Variants in SLC29A1 observed in about 807,000 individuals in gnomAD.
SLC29A1 encodes equilibrative nucleoside transporter 1.
Under a neutral mutation model 48.3 loss-of-function variants are expected in SLC29A1, and 22 were observed. The ratio of observed to expected loss-of-function variants is 0.46; its 90% confidence interval spans 0.33 to 0.65. SLC29A1 has a LOEUF of 0.65. Among genes scored for constraint, SLC29A1 ranks in the 30% least tolerant of loss-of-function variants. The pLI, the probability that SLC29A1 is intolerant of heterozygous loss-of-function variation, is 0.03. For missense variants in SLC29A1, 491 were observed against 575.3 expected (o/e 0.85, Z 1.50); for synonymous variants, 228 against 231.0 (o/e 0.99, Z 0.12).
At position 44,229,555 on chromosome 6, in the gene SLC29A1, G is replaced by C. The variant is rs139208937; in HGVS notation, c.112-34G>C. ...CTCTGTGCTGGTAGGCACAGGGAAA[G>C]AGATTTCAACACTCCTCTCTGCAAC... On this transcript the variant is annotated intron_variant, in intron 3 of 12. Coordinates refer to ENST00000371755, the MANE Select transcript of SLC29A1 (RefSeq NM_001372327.1). This position sits in a 1 kb window ranked among gnomAD's most constrained non-coding sequence, Gnocchi z 5.1. 2.0e-4 allele frequency: 318 copies of C among 1,612,894 alleles called. 1 individual carries two copies. In the African/African-American group the frequency reaches 3.7e-3, roughly 19 times the overall value.
At chr6:44,224,003 T>G (rs1298431508) in intron 1 of SLC29A1, 32 of 950,728 alleles carry the variant, frequency 3.4e-5, no homozygotes, top group South Asian at 1.9e-4. Context: ...GGCGGAGGGG[T>G]ATGGGGATGG....
At chr6:44,220,666 A>AG (rs1338889737), upstream of SLC29A1, among the ~76,000 whole-genome samples, 1 of 150,724 alleles carries the variant, frequency 6.6e-6, no homozygotes, top group African/African-American at 2.4e-5. Context: ...AAAAAAAAAA[A>AG]ATACAAAAAT....
chr6:44,226,129 C>T, intron 1 of SLC29A1: 3 of 985,360 alleles, frequency 3.0e-6, no homozygotes, highest in Non-Finnish European at 3.6e-6. Flanking sequence ...CCCAGGCTTG[C>T]TCTGCTCTGA....
upstream of SLC29A1, chr6:44,223,573 C>G (rs936989341): frequency 2.6e-5 from 32 of 1,209,750 alleles, no homozygotes; most frequent in Admixed American, 9.2e-4. The surrounding 1 kb of genome is among the most constrained non-coding windows in gnomAD (Gnocchi z 5.0). Flanking sequence ...TTGAATGTGC[C>G]CCGGCGGGAG....
At position 44,230,643 on chromosome 6, in the gene SLC29A1, G is replaced by C. The variant is rs760876039; in HGVS notation, c.665G>C (p.Cys222Ser). 6.4e-7 allele frequency: 1 copy of C among 1,559,140 alleles called. No individual in the cohort carries two copies. The highest frequency in any genetic ancestry group is 8.7e-7 in the Non-Finnish European group (1 of 1,150,344). Residue 222 changes from cysteine (C) to serine (S), a missense_variant, in exon 7 of 13, where the codon TGT becomes TCT. Physicochemically the swap from Cys to Ser is moderately radical, Grantham distance 112 (BLOSUM62 -1). Transcript: ENST00000371755. ...GCTGTTATCATTTTGACCATCATCT[G>C]TTACCTGGGCCTGCCCCGCCTGGTG... Reference protein sequence around the residue: ...ACAVIILTIICYLGLPRLEFY... With the variant: ...ACAVIILTIISYLGLPRLEFY...
chr6:44,228,876 G>A (rs1778187927), intron 2 of SLC29A1, among the ~76,000 whole-genome samples: 1 of 152,224 alleles, frequency 6.6e-6, no homozygotes, highest in South Asian at 2.1e-4. Context: ...CGGCCCTGAG[G>A]CACCCTGCCC....
At chr6:44,220,777 A>G (rs1439926145), upstream of SLC29A1, among the ~76,000 whole-genome samples, 1 of 151,788 alleles carries the variant, frequency 6.6e-6, no homozygotes, top group East Asian at 1.9e-4. Context: ...GTGAGCCAAG[A>G]TCACGCCACT....
chr6:44,220,937 T>C (rs183295012), upstream of SLC29A1, among the ~76,000 whole-genome samples: 113 of 152,346 alleles, frequency 7.4e-4, 1 homozygote, highest in South Asian at 9.1e-3. Flanking sequence ...TGGAGTGCAA[T>C]GGCAGGATGA....
Position 44,232,258 on chromosome 6 carries a change from TG to T in SLC29A1, c.974-81del. ...GGAAGCATCTTCTCCATTTTACTGT[TG>T]GGGAAGCTGAGGCCCAGTGAAGGTT... On this transcript the variant is annotated intron_variant, in intron 10 of 12. Transcript: ENST00000371755. The surrounding 1 kb of genome is among the most constrained non-coding windows in gnomAD (Gnocchi z 4.7). The T allele has an allele frequency of 8.5e-7, 1 of 1,179,014 alleles. No individual in the cohort carries two copies. Among genetic ancestry groups the T allele is most frequent in the Non-Finnish European group, 1.3e-6 (1 of 783,958 alleles). 73.0% of individuals were successfully genotyped at this position (1,179,014 alleles called of 1,614,324 possible). A position where few individuals can be genotyped will look rare whatever the true frequency, so the allele number is the denominator to read the frequency against.
Position 44,223,930 on chromosome 6 carries a change from G to T in SLC29A1, c.-52+289G>T, listed in dbSNP as rs1362072049. 1.0e-6 allele frequency: 1 copy of T among 990,768 alleles called. No individual in the cohort carries two copies. Among genetic ancestry groups the T allele is most frequent in the Non-Finnish European group, 1.2e-6 (1 of 833,636 alleles). The allele number at this position is 990,768 out of a possible 1,614,324, so 61.4% of individuals were successfully genotyped here. On this transcript the variant is annotated intron_variant, in intron 1 of 12. Coordinates refer to ENST00000371755, the MANE Select transcript of SLC29A1 (RefSeq NM_001372327.1). This position sits in a 1 kb window ranked among gnomAD's most constrained non-coding sequence, Gnocchi z 5.0. ...GTTGACCTCCGCAAGGGGCAGGCGA[G>T]TGGACGGGTGATCCCCATCGATCTG...
upstream of SLC29A1, chr6:44,221,450 G>A (rs1776407927): frequency 2.7e-6 from 1 of 371,928 alleles, no homozygotes; most frequent in South Asian, 2.0e-5. This position sits in a 1 kb window ranked among gnomAD's most constrained non-coding sequence, Gnocchi z 4.2. Flanking sequence ...CTGTGTGTGA[G>A]GTGGTGAGGC....
At chr6:44,223,125 G>A (rs1776656628), upstream of SLC29A1, among the ~76,000 whole-genome samples, 1 of 152,152 alleles carries the variant, frequency 6.6e-6, no homozygotes, top group African/African-American at 2.4e-5. The surrounding 1 kb of genome is among the most constrained non-coding windows in gnomAD (Gnocchi z 5.0). Flanking sequence ...AGGGGGCGCT[G>A]AAAGGGAGGG....
chr6:44,224,419 C>T (rs1169179790), intron 1 of SLC29A1, among the ~76,000 whole-genome samples: 1 of 151,998 alleles, frequency 6.6e-6, no homozygotes, highest in Non-Finnish European at 1.5e-5. Flanking sequence ...TGGGAATGAT[C>T]TTGGTCTCCA....
Position 44,232,644 on chromosome 6 carries a change from C to T in SLC29A1, c.1060-163C>T, listed in dbSNP as rs1779152780. 3.0e-6 allele frequency: 2 copies of T among 674,630 alleles called. No homozygotes were observed. The highest frequency in any genetic ancestry group is 3.6e-5 in the South Asian group (2 of 55,030). 41.8% of individuals were successfully genotyped at this position (674,630 alleles called of 1,614,324 possible). ...AGATCGAGATGTAGAATATTTCCAGCACTCCAGAAGGCTCCACCATGCCCC... is the reference window on the plus strand; with the variant it reads ...AGATCGAGATGTAGAATATTTCCAGTACTCCAGAAGGCTCCACCATGCCCC... On this transcript the variant is annotated intron_variant, in intron 11 of 12. Transcript: ENST00000371755. The surrounding 1 kb of genome is among the most constrained non-coding windows in gnomAD (Gnocchi z 4.7).
chr6:44,231,814 G>A (rs1778951201), intron 9 of SLC29A1, among the ~76,000 whole-genome samples, 184 bp from the exon 10 acceptor site: 1 of 152,154 alleles, frequency 6.6e-6, no homozygotes, highest in East Asian at 1.9e-4. Flanking sequence ...ATTTAGTAGA[G>A]ATGGGGTTTC....
In SLC29A1 at chr6:44,229,727, A is replaced by G. The variant is rs1778401197; in HGVS notation, c.250A>G (p.Met84Val). Residue 84 changes from methionine to valine, a missense_variant, in exon 4 of 13, where the codon ATG becomes GTG. Coordinates refer to ENST00000371755, the MANE Select transcript of SLC29A1 (RefSeq NM_001372327.1). The surrounding 1 kb of genome is among the most constrained non-coding windows in gnomAD (Gnocchi z 5.1). ...TCTCAGTGCCATCTTCAACAATGTC[A>G]TGACCCTATGTGCCATGCTGCCCCT... is the stretch of plus-strand genomic sequence containing the variant. Reference protein sequence around the residue: ...NSLSAIFNNVMTLCAMLPLLL... With the variant: ...NSLSAIFNNVVTLCAMLPLLL... The G allele has an allele frequency of 6.2e-7, 1 of 1,613,908 alleles. No homozygotes were observed. The highest frequency in any genetic ancestry group is 8.5e-7 in the Non-Finnish European group (1 of 1,180,008).
rs1778428766 is a variant in SLC29A1 at position 44,229,847 on chromosome 6, C to A, written c.314+56C>A. 6.2e-7 allele frequency: 1 copy of A among 1,610,958 alleles called. No individual in the cohort carries two copies. The highest frequency in any genetic ancestry group is 8.5e-7 in the Non-Finnish European group (1 of 1,179,096). ...CCTGACCCTCACTGTGTCCTGCACC[C>A]CCTTGGCTGAGCCCCAGCTTTGCCC... On this transcript the variant is annotated intron_variant, in intron 4 of 12. Coordinates refer to ENST00000371755, the MANE Select transcript of SLC29A1 (RefSeq NM_001372327.1). This position sits in a 1 kb window ranked among gnomAD's most constrained non-coding sequence, Gnocchi z 5.1.
chr6:44,233,257 A>C (rs966359585), intron 12 of SLC29A1, among the ~76,000 whole-genome samples, 160 bp from the exon 13 acceptor site: 3 of 152,146 alleles, frequency 2.0e-5, no homozygotes, highest in Non-Finnish European at 2.9e-5. Context: ...CGTTCCCTCA[A>C]GGAGGAGAAG....
rs779717200 is a variant in SLC29A1 at position 44,229,678 on chromosome 6, A to G, written c.201A>G (p.Ala67=). The change falls in exon 4 of 13, where the codon GCA becomes GCG. Residue 67 remains alanine (A), a synonymous_variant. Transcript: ENST00000371755. The surrounding 1 kb of genome is among the most constrained non-coding windows in gnomAD (Gnocchi z 5.1). ...SKDAQASAAP[A]APLPERNSLS... ...ACGCCCAGGCGTCAGCCGCCCCTGC[A>G]GCACCCTTGCCTGAGCGGAACTCTC... is the stretch of plus-strand genomic sequence containing the variant. 1 of 1,614,106 alleles carries G rather than the reference A, an allele frequency of 6.2e-7. No homozygotes were observed. The highest frequency in any genetic ancestry group is 1.7e-5 in the Admixed American group (1 of 60,032).
Sources: gnomAD v4.1 joint callset for allele counts (sites outside exome capture counted in the v4.1 genomes callset) on GRCh38, gnomAD v4.1.1 for gene constraint, Gnocchi (gnomAD v3.1) non-coding constraint, MANE v1.5 for transcripts, NCBI Gene and HGNC (gene_info 2026-07-23, HGNC 2026-07-21) for gene names.